The following BICC1 variants were observed in gnomAD, a reference collection of about 807,000 sequenced individuals.
BICC1 encodes BicC family RNA binding protein 1, also known as protein bicaudal C homolog 1.
Under a neutral mutation model 111.0 loss-of-function variants are expected in BICC1, and 43 were observed. The ratio of observed to expected loss-of-function variants is 0.39; its 90% CI spans 0.30 to 0.50. The LOEUF (loss-of-function observed/expected upper bound fraction) is 0.50. BICC1 is among the 20% of genes least tolerant of loss of function. BICC1 has a pLI of 0.88. For synonymous variants in BICC1, 467 were observed against 434.4 expected (o/e 1.07, Z -0.93); for missense variants, 1,091 against 1,203.2 (o/e 0.91, Z 1.38).
intron 3 of BICC1, among the ~76,000 whole-genome samples, chr10:58,730,883 CT>C (rs751350972): frequency 2.6e-5 from 4 of 152,094 alleles, no homozygotes; most frequent in Non-Finnish European, 5.9e-5. Flanking sequence ...TTCAGCCCCC[CT>C]AGGCCTCCCT....
chr10:58,824,823 A>G (rs1844350068), intron 20 of BICC1, among the ~76,000 whole-genome samples: 1 of 152,176 alleles, frequency 6.6e-6, no homozygotes, highest in Non-Finnish European at 1.5e-5. Context: ...TTTGTTTGGT[A>G]TCAAAACCCT....
At chr10:58,753,602 C>T (rs1842052205) in intron 3 of BICC1, among the ~76,000 whole-genome samples, 1 of 152,148 alleles carries the variant, frequency 6.6e-6, no homozygotes, top group African/African-American at 2.4e-5. Context: ...TCCTTTCTCA[C>T]AGGCTTATGA....
chr10:58,673,109 C>A (rs932077322), intron 2 of BICC1, among the ~76,000 whole-genome samples: 2 of 152,148 alleles, frequency 1.3e-5, no homozygotes, highest in Non-Finnish European at 2.9e-5. Context: ...AGAGTAGCTT[C>A]TTTGGAAATT....
rs3075367 is a variant in BICC1 at position 58,566,164 on chromosome 10, A to G, written c.190+52831A>G. Among the ~76,000 whole-genome samples the G allele has an allele frequency of 3.4e-3, 447 of 131,438 alleles. 2 individuals are homozygous for G. Among genetic ancestry groups the G allele is most frequent in the Middle Eastern group, 0.016 (4 of 252 alleles). 86.2% of individuals were successfully genotyped at this position (131,438 alleles called of 152,430 possible). A position where few individuals can be genotyped will look rare whatever the true frequency, so the allele number is the denominator to read the frequency against. On this transcript the variant is annotated intron_variant, in intron 1 of 20. Transcript: ENST00000373886. Reference sequence around the variant, plus strand: ...AATTCAATGATGTGTGTGTGTGTGTATATATACATATACACACGTGTGTAT... The same window carrying G: ...AATTCAATGATGTGTGTGTGTGTGTGTATATACATATACACACGTGTGTAT...
intron 3 of BICC1, among the ~76,000 whole-genome samples, chr10:58,710,927 C>T (rs1418972362): frequency 2.0e-5 from 3 of 152,142 alleles, no homozygotes; most frequent in Non-Finnish European, 4.4e-5. Context: ...TAGCTCGGTG[C>T]AGCCTTGGCC....
At chr10:58,793,447 T>A in intron 8 of BICC1, 37 bp from the exon 9 acceptor site, 1 of 1,571,428 alleles carries the variant, frequency 6.4e-7, no homozygotes. Context: ...ATGATTAAAT[T>A]TTTACCTCCT....
intron 1 of BICC1, among the ~76,000 whole-genome samples, chr10:58,597,946 T>G (rs1023095840): frequency 1.1e-4 from 16 of 152,080 alleles, no homozygotes; most frequent in Admixed American, 6.6e-4. Flanking sequence ...TTACAATCAA[T>G]TTGTACAGGT....
At chr10:58,538,674 A>C (rs201674551) in intron 1 of BICC1, among the ~76,000 whole-genome samples, 2 of 152,030 alleles carry the variant, frequency 1.3e-5, no homozygotes, top group East Asian at 3.9e-4. Flanking sequence ...CAACCTACAG[A>C]ATGAGAGAAA....
intron 1 of BICC1, among the ~76,000 whole-genome samples, chr10:58,584,474 AATGTAT>A (rs1269926032): frequency 6.6e-6 from 1 of 152,130 alleles, no homozygotes; most frequent in Non-Finnish European, 1.5e-5. Flanking sequence ...CTGCTCTGTG[AATGTAT>A]ATTGTGATGT....
At chr10:58,658,703 C>T (rs1474804128) in intron 2 of BICC1, among the ~76,000 whole-genome samples, 1 of 152,100 alleles carries the variant, frequency 6.6e-6, no homozygotes, top group Non-Finnish European at 1.5e-5. Context: ...GTATTTGATG[C>T]CCAAATTGTT....
chr10:58,551,927 T>G (rs1231888204), intron 1 of BICC1, among the ~76,000 whole-genome samples: 1 of 150,952 alleles, frequency 6.6e-6, no homozygotes, highest in East Asian at 1.9e-4. Context: ...ATTAGTCTTC[T>G]GAAATGTTTA....
chr10:58,760,741 G>T lies in BICC1; in HGVS notation c.308-24260G>T, dbSNP rs186352319. ...GAATCATAGATTTATATGGAATAAA[G>T]AAATGTGAGATGAATTTACAAATGG... On this transcript the variant is annotated intron_variant, in intron 3 of 20. Coordinates refer to ENST00000373886, the MANE Select transcript of BICC1 (RefSeq NM_001080512.3). Among the ~76,000 whole-genome samples, 593 of 152,246 alleles carry T rather than the reference G, an allele frequency of 3.9e-3. 3 individuals are homozygous for T. The highest frequency in any genetic ancestry group is 0.013 in the African/African-American group (558 of 41,570).
chr10:58,631,360 G>C (rs891818955), intron 2 of BICC1, among the ~76,000 whole-genome samples: 1 of 151,880 alleles, frequency 6.6e-6, no homozygotes, highest in Non-Finnish European at 1.5e-5. Context: ...GTTGCGGCTT[G>C]TCCCAAACTG....
chr10:58,726,470 G>T (rs1215527870), intron 3 of BICC1, among the ~76,000 whole-genome samples: 1 of 152,186 alleles, frequency 6.6e-6, no homozygotes, highest in East Asian at 1.9e-4. Context: ...TGCACCTACA[G>T]TTCATCCATC....
At chr10:58,616,286 C>T (rs1444465703) in intron 1 of BICC1, among the ~76,000 whole-genome samples, 1 of 152,200 alleles carries the variant, frequency 6.6e-6, no homozygotes, top group Non-Finnish European at 1.5e-5. Context: ...GAACAGGGGG[C>T]CCCAACAAGT....
intron 1 of BICC1, among the ~76,000 whole-genome samples, chr10:58,518,597 G>T (rs975608063): frequency 5.7e-5 from 8 of 139,950 alleles, no homozygotes; most frequent in South Asian, 2.6e-4. Context: ...TGTTGGGGGG[G>T]GGGGGGTGTG....
At chr10:58,609,563 C>T (rs1466408370) in intron 1 of BICC1, among the ~76,000 whole-genome samples, 1 of 152,142 alleles carries the variant, frequency 6.6e-6, no homozygotes, top group Non-Finnish European at 1.5e-5. Flanking sequence ...CTTTGTTTAA[C>T]CCAATATATA....
chr10:58,601,173 T>TATATATATATATATATATAA (rs752405472), intron 1 of BICC1, among the ~76,000 whole-genome samples: 1 of 131,088 alleles, frequency 7.6e-6, no homozygotes, highest in African/African-American at 2.8e-5. Flanking sequence ...TATATATATC[T>TATATATATATATATATATAA]CCCAATAAAA....
At chr10:58,617,580 T>C (rs1588934420) in intron 1 of BICC1, among the ~76,000 whole-genome samples, 1 of 152,352 alleles carries the variant, frequency 6.6e-6, no homozygotes, top group Middle Eastern at 3.4e-3. Flanking sequence ...TTCACTCTAG[T>C]ACTGACGCCA....
Sources: gnomAD v4.1 joint callset for allele counts (sites outside exome capture counted in the v4.1 genomes callset) on GRCh38, gnomAD v4.1.1 for gene constraint, MANE v1.5 for transcripts, NCBI Gene and HGNC (gene_info 2026-07-23, HGNC 2026-07-21) for gene names.